The following FMNL2 variants were observed in gnomAD, a reference collection of about 807,000 sequenced individuals.
The protein encoded by FMNL2 is formin like 2.
A neutral mutation model predicts 130.2 loss-of-function variants in FMNL2; 51 were observed. The ratio of observed to expected loss-of-function variants is 0.39; its 90% CI spans 0.31 to 0.49. The LOEUF (loss-of-function observed/expected upper bound fraction) is 0.49, where lower values mean the gene tolerates loss of function less well. Among genes scored for constraint, FMNL2 ranks in the 20% least tolerant of loss-of-function variants. FMNL2 has a pLI of 0.85. For missense variants in FMNL2, 977 were observed against 1,316.2 expected, an observed-to-expected ratio of 0.74 and a Z score of 3.99; for synonymous variants, 465 against 467.1, an observed-to-expected ratio of 1.00 and a Z score of 0.06.
intron 1 of FMNL2, among the ~76,000 whole-genome samples, chr2:152,351,939 C>A (rs1281915791): frequency 2.0e-5 from 3 of 152,164 alleles, no homozygotes; most frequent in African/African-American, 7.2e-5. Flanking sequence ...TTGCATTTCT[C>A]TAATGACTAG....
intron 1 of FMNL2, among the ~76,000 whole-genome samples, chr2:152,336,736 A>T (rs1681485978): frequency 6.6e-6 from 1 of 152,116 alleles, no homozygotes; most frequent in South Asian, 2.1e-4. Context: ...TGGGAGGGAC[A>T]CACACAGGCG....
At chr2:152,529,422 G>A (rs182407694) in intron 2 of FMNL2, among the ~76,000 whole-genome samples, 107 of 152,214 alleles carry the variant, frequency 7.0e-4, no homozygotes, top group African/African-American at 2.5e-3. Context: ...TTGAGATTTC[G>A]AAGGGACTCT....
chr2:152,355,150 A>G (rs1682711636), intron 1 of FMNL2, among the ~76,000 whole-genome samples: 1 of 152,180 alleles, frequency 6.6e-6, no homozygotes. Context: ...TGAATCACAC[A>G]TCAATCACAA....
Position 152,619,167 on chromosome 2 carries a change from C to T in FMNL2, c.1627+9C>T, listed in dbSNP as rs766815789. ...AGACACACCTGAAACAGGTAAGAAG[C>T]CTTGGCAGGAGGACTGAGGAAGTTT... On this transcript the variant is annotated intron_variant, in intron 14 of 25. Coordinates refer to ENST00000288670, the MANE Select transcript of FMNL2 (RefSeq NM_052905.4). 22 of 1,542,140 alleles carry T rather than the reference C, an allele frequency of 1.4e-5. No individual in the cohort carries two copies. The highest frequency in any genetic ancestry group is 1.7e-5 in the Non-Finnish European group (20 of 1,148,700).
At chr2:152,352,919 A>T (rs544849193) in intron 1 of FMNL2, among the ~76,000 whole-genome samples, 3 of 152,270 alleles carry the variant, frequency 2.0e-5, no homozygotes, top group African/African-American at 4.8e-5. Flanking sequence ...AACAACCATT[A>T]TTATATTGTG....
rs1695014545 is a variant in FMNL2 at position 152,552,905 on chromosome 2, G to A, written c.359+3808G>A. Among the ~76,000 whole-genome samples, 4 of 152,288 alleles carry A rather than the reference G, an allele frequency of 2.6e-5. No homozygotes were observed. The South Asian group carries it at 8.3e-4, about 32-fold the overall frequency. ...ATGTGTACACTGTCTCTCCTTGCAG[G>A]GAATTTATTGTAGTAAAGCTACCTA... On this transcript the variant is annotated intron_variant, in intron 4 of 25. Transcript: ENST00000288670.
intron 11 of FMNL2, among the ~76,000 whole-genome samples, chr2:152,613,250 T>C (rs528595320): frequency 4.1e-4 from 62 of 152,354 alleles, no homozygotes; most frequent in African/African-American, 1.3e-3. Context: ...TTTTCTCCTA[T>C]GCTCTAAAAG....
chr2:152,396,905 G>T (rs1345026746), intron 1 of FMNL2, among the ~76,000 whole-genome samples: 2 of 152,122 alleles, frequency 1.3e-5, no homozygotes, highest in African/African-American at 2.4e-5. Flanking sequence ...TATTTTTAAA[G>T]CTCTCTAAAT....
intron 2 of FMNL2, 88 bp downstream of exon 2, chr2:152,522,114 G>T: frequency 3.8e-6 from 4 of 1,063,418 alleles, no homozygotes; most frequent in Non-Finnish European, 5.5e-6. Context: ...TATCATGATT[G>T]AAAAACAAGA....
At chr2:152,385,344 G>T (rs998172101) in intron 1 of FMNL2, among the ~76,000 whole-genome samples, 3 of 152,148 alleles carry the variant, frequency 2.0e-5, no homozygotes, top group East Asian at 3.9e-4. Flanking sequence ...AGGGAGGGAG[G>T]CTGGGGATGG....
At chr2:152,578,400 T>G (rs1316322793) in intron 7 of FMNL2, among the ~76,000 whole-genome samples, 1 of 152,162 alleles carries the variant, frequency 6.6e-6, no homozygotes, top group East Asian at 1.9e-4. Flanking sequence ...GCTTAAAAAC[T>G]CAGGTGCCAG....
chr2:152,351,950 T>A (rs973496028), intron 1 of FMNL2, among the ~76,000 whole-genome samples: 58 of 152,200 alleles, frequency 3.8e-4, no homozygotes, highest in African/African-American at 1.3e-3. Flanking sequence ...TAATGACTAG[T>A]GATGATGAGC....
At chr2:152,514,266 C>G (rs146420237) in intron 1 of FMNL2, among the ~76,000 whole-genome samples, 1 of 152,248 alleles carries the variant, frequency 6.6e-6, no homozygotes, top group East Asian at 1.9e-4. Flanking sequence ...CCCTTGAAGA[C>G]TTTTCCTAGA....
chr2:152,547,284 A>G (rs908417623), intron 3 of FMNL2, among the ~76,000 whole-genome samples: 2 of 152,044 alleles, frequency 1.3e-5, no homozygotes, highest in African/African-American at 4.8e-5. Context: ...GAGCCTCCTC[A>G]TTGCTGGGAA....
rs1345977709 is a variant in FMNL2 at position 152,357,156 on chromosome 2, AGTTTAATGTATCACGATAAATATTAAATC to A, written c.117+21437_117+21465del. ...AATGTATCACGATAAATATTACATC[AGTTTAATGTATCACGATAAATATTAAATC>A]AGTTTAATGTATCACGATAAATATT... is the stretch of plus-strand genomic sequence containing the variant. On this transcript the variant is annotated intron_variant, in intron 1 of 25. Coordinates refer to ENST00000288670, the MANE Select transcript of FMNL2 (RefSeq NM_052905.4). Among the ~76,000 whole-genome samples the A allele has an allele frequency of 1.9e-4, 23 of 118,308 alleles. 3 individuals carry two copies. Among genetic ancestry groups the A allele is most frequent in the Admixed American group, 4.2e-4 (4 of 9,524 alleles). The allele number at this position is 118,308 out of a possible 152,430, so 77.6% of individuals were successfully genotyped here.
chr2:152,451,922 G>C (rs1688671328), intron 1 of FMNL2, among the ~76,000 whole-genome samples: 1 of 152,142 alleles, frequency 6.6e-6, no homozygotes, highest in African/African-American at 2.4e-5. Context: ...ACACTGTAGA[G>C]AAAAGAGAGG....
intron 2 of FMNL2, among the ~76,000 whole-genome samples, chr2:152,542,292 A>G (rs1694353840): frequency 6.6e-6 from 1 of 152,216 alleles, no homozygotes; most frequent in Non-Finnish European, 1.5e-5. Context: ...TGTTATTTTC[A>G]AAGATAAAAT....
chr2:152,487,922 G>C (rs570558559), intron 1 of FMNL2, among the ~76,000 whole-genome samples: 43 of 152,002 alleles, frequency 2.8e-4, no homozygotes, highest in Admixed American at 5.2e-4. Flanking sequence ...GGAGTAGCTG[G>C]GATTACAGGC....
chr2:152,633,093 G>A (rs1199609262), intron 21 of FMNL2, among the ~76,000 whole-genome samples: 1 of 151,312 alleles, frequency 6.6e-6, no homozygotes, highest in African/African-American at 2.4e-5. Flanking sequence ...TGCAATCTGT[G>A]CTCTTCTTTT....
Sources: gnomAD v4.1 joint callset for allele counts (sites outside exome capture counted in the v4.1 genomes callset) on GRCh38, gnomAD v4.1.1 for gene constraint, MANE v1.5 for transcripts, NCBI Gene and HGNC (gene_info 2026-07-23, HGNC 2026-07-21) for gene names.